FARP1: variants seen among roughly 807,000 people sequenced by gnomAD.
FARP1 encodes the protein FERM, ARH/RhoGEF and pleckstrin domain protein 1.
A neutral mutation model predicts 128.8 loss-of-function variants in FARP1; 52 were observed. The observed-to-expected ratio is 0.40, with a 90% CI of 0.32 to 0.51. FARP1 has a LOEUF of 0.51. FARP1 is among the 20% of genes least tolerant of loss of function. FARP1 has a pLI of 0.45. For missense variants in FARP1, 1,333 were observed against 1,367.9 expected (o/e 0.97, Z 0.40); for synonymous variants, 580 against 551.8 (o/e 1.05, Z -0.72).
intron 16 of FARP1, among the ~76,000 whole-genome samples, chr13:98,419,042 C>T (rs930927599): frequency 1.3e-5 from 2 of 152,172 alleles, no homozygotes; most frequent in Non-Finnish European, 1.5e-5. Flanking sequence ...CTGCCAAAGG[C>T]GCGGCGTTCC....
At chr13:98,339,431 A>G (rs578042089) in intron 2 of FARP1, among the ~76,000 whole-genome samples, 7 of 152,330 alleles carry the variant, frequency 4.6e-5, no homozygotes, top group African/African-American at 1.7e-4. Context: ...ACCTCCCACC[A>G]GGTCCTTCCC....
intron 2 of FARP1, among the ~76,000 whole-genome samples, chr13:98,296,702 T>TTG: frequency 6.6e-6 from 1 of 150,782 alleles, no homozygotes; most frequent in African/African-American, 2.4e-5. Context: ...TTTTTTTTTT[T>TTG]TTTTCCTGAG....
At chr13:98,344,194 G>A (rs1485066894) in intron 3 of FARP1, among the ~76,000 whole-genome samples, 1 of 152,198 alleles carries the variant, frequency 6.6e-6, no homozygotes, top group Non-Finnish European at 1.5e-5. Flanking sequence ...GAGAACTGTA[G>A]GCAGATTGGA....
chr13:98,149,959 G>A (rs1294650814), intron 1 of FARP1, among the ~76,000 whole-genome samples: 3 of 151,404 alleles, frequency 2.0e-5, no homozygotes, highest in African/African-American at 7.3e-5. Flanking sequence ...GGATGGTCTC[G>A]ATCTCCTGAC....
chr13:98,400,640 C>T (rs1418448637), intron 13 of FARP1: 1 of 152,188 alleles, frequency 6.6e-6, no homozygotes, highest in Non-Finnish European at 1.5e-5. Flanking sequence ...TTCTCTTTGC[C>T]TGGGACCTTA....
At chr13:98,373,312 T>C (rs535175023) in intron 5 of FARP1, among the ~76,000 whole-genome samples, 1 of 152,260 alleles carries the variant, frequency 6.6e-6, no homozygotes, top group Non-Finnish European at 1.5e-5. Flanking sequence ...CAGAATGTAA[T>C]TTTAAAACAG....
chr13:98,163,048 A>G (rs1014660777), intron 1 of FARP1, among the ~76,000 whole-genome samples: 4 of 152,228 alleles, frequency 2.6e-5, no homozygotes, highest in East Asian at 1.9e-4. Flanking sequence ...ACCATTCACA[A>G]TAGAAAACAC....
rs370532347 is a variant in FARP1 at position 98,363,332 on chromosome 13, C to G, written c.277-2063C>G. Among the ~76,000 whole-genome samples, 174 of 152,306 alleles carry G rather than the reference C, an allele frequency of 1.1e-3. 2 individuals carry two copies. The South Asian group carries it at 0.026, about 22-fold the overall frequency. ...ACAGGGTCATTTTCAGGGAAGATTG[C>G]TCCCTACCTCTGCCCCTTCCGTGTG... On this transcript the variant is annotated intron_variant, in intron 3 of 26. Coordinates refer to ENST00000319562, the MANE Select transcript of FARP1 (RefSeq NM_005766.4).
intron 2 of FARP1, among the ~76,000 whole-genome samples, chr13:98,321,790 G>A (rs1228993236): frequency 2.0e-5 from 3 of 152,198 alleles, no homozygotes; most frequent in Non-Finnish European, 2.9e-5. Context: ...TTATGGAATA[G>A]AAAAATGTTT....
intron 5 of FARP1, among the ~76,000 whole-genome samples, chr13:98,374,156 G>C (rs1384653089): frequency 6.6e-6 from 1 of 152,166 alleles, no homozygotes; most frequent in East Asian, 1.9e-4. Flanking sequence ...AGGCACAGTG[G>C]CTCACATCTG....
At chr13:98,196,962 T>C (rs1403603744) in intron 1 of FARP1, among the ~76,000 whole-genome samples, 2 of 152,244 alleles carry the variant, frequency 1.3e-5, no homozygotes, top group Non-Finnish European at 2.9e-5. Context: ...ACACATCTGT[T>C]GTATTTTATA....
chr13:98,224,387 C>T (rs1389326836), intron 2 of FARP1, among the ~76,000 whole-genome samples: 2 of 151,568 alleles, frequency 1.3e-5, no homozygotes, highest in Admixed American at 6.6e-5. Flanking sequence ...ATTAGCTGGG[C>T]GTGGTGGCGA....
At chr13:98,236,827 A>T (rs1882448252) in intron 2 of FARP1, among the ~76,000 whole-genome samples, 1 of 151,112 alleles carries the variant, frequency 6.6e-6, no homozygotes, top group Non-Finnish European at 1.5e-5. Context: ...ATCTCTACTA[A>T]AAATACAAAA....
At chr13:98,356,636 T>TATTTATTTATTC (rs1888656639) in intron 3 of FARP1, among the ~76,000 whole-genome samples, 1 of 150,782 alleles carries the variant, frequency 6.6e-6, no homozygotes, top group African/African-American at 2.4e-5. Context: ...TTTATTTATT[T>TATTTATTTATTC]ATTTATTTAT....
chr13:98,306,884 G>A (rs1252255875), intron 2 of FARP1, among the ~76,000 whole-genome samples: 2 of 152,180 alleles, frequency 1.3e-5, no homozygotes, highest in Non-Finnish European at 2.9e-5. Flanking sequence ...ACAAAATATT[G>A]TGTTAGGAAA....
At chr13:98,413,267 G>C (rs1157373393) in intron 16 of FARP1, among the ~76,000 whole-genome samples, 5 of 152,194 alleles carry the variant, frequency 3.3e-5, no homozygotes, top group African/African-American at 1.2e-4. Context: ...GAAATAATAG[G>C]TACAAAGTCA....
At chr13:98,235,395 TATC>T (rs1882354760) in intron 2 of FARP1, among the ~76,000 whole-genome samples, 1 of 152,218 alleles carries the variant, frequency 6.6e-6, no homozygotes, top group Non-Finnish European at 1.5e-5. Context: ...TTATGTCTGA[TATC>T]ATGCCTAGAA....
chr13:98,346,853 C>T (rs2139889135), intron 3 of FARP1, among the ~76,000 whole-genome samples: 1 of 152,298 alleles, frequency 6.6e-6, no homozygotes, highest in East Asian at 1.9e-4. Context: ...TGTTCTCTCT[C>T]TTGATCTGGA....
chr13:98,419,497 C>CACACACACAA (rs1456756670), intron 16 of FARP1, among the ~76,000 whole-genome samples: 1 of 149,366 alleles, frequency 6.7e-6, no homozygotes, highest in Non-Finnish European at 1.5e-5. Flanking sequence ...CACACACACA[C>CACACACACAA]ACACACACAC....
Sources: allele counts gnomAD v4.1 joint callset (sites outside exome capture counted in the v4.1 genomes callset), GRCh38; gene constraint gnomAD v4.1.1; transcripts MANE v1.5; gene names NCBI Gene and HGNC (gene_info 2026-07-23, HGNC 2026-07-21).